Variants in TMEM135 observed in about 807,000 individuals in gnomAD.
TMEM135 encodes transmembrane protein 135, also known as peroxisomal membrane protein 52.
In TMEM135, 30 loss-of-function variants were observed where a neutral mutation model predicts 60.3. That is an observed-to-expected ratio of 0.50 (90% CI 0.37 to 0.68). TMEM135 has a LOEUF of 0.68. Among genes scored for constraint, TMEM135 ranks in the 30% least tolerant of loss-of-function variants. The pLI is 0.00. For missense variants in TMEM135, 468 were observed against 548.8 expected (o/e 0.85, Z 1.47); for synonymous variants, 190 against 186.7 (o/e 1.02, Z -0.14).
chr11:87,297,086 AAGAG>A (rs1403704210), intron 7 of TMEM135, among the ~76,000 whole-genome samples: 1 of 152,160 alleles, frequency 6.6e-6, no homozygotes, highest in African/African-American at 2.4e-5. Context: ...GACACTGAAA[AAGAG>A]AGAACCAGAA....
At chr11:87,281,421 C>T (rs1216003505) in intron 6 of TMEM135, among the ~76,000 whole-genome samples, 4 of 152,096 alleles carry the variant, frequency 2.6e-5, no homozygotes. Context: ...GTGTAAAATA[C>T]TAATTGATGT....
In TMEM135 at chr11:87,319,242, T is replaced by C. The variant is rs150191935; in HGVS notation, c.1177-68T>C. The C allele has an allele frequency of 2.9e-4, 363 of 1,248,232 alleles. 2 individuals are homozygous for C. In the African/African-American group the frequency reaches 4.3e-3, roughly 15 times the overall value. The allele number at this position is 1,248,232 out of a possible 1,614,324, so 77.3% of individuals were successfully genotyped here. A position where few individuals can be genotyped will look rare whatever the true frequency, so the allele number is the denominator to read the frequency against. ...TTACCAACTTAAACATCAATACACCTTTGTGTATTTCATCACTTTCAGTTT... is the reference window on the plus strand; with the variant it reads ...TTACCAACTTAAACATCAATACACCCTTGTGTATTTCATCACTTTCAGTTT... On this transcript the variant is annotated intron_variant, in intron 13 of 14. Coordinates refer to ENST00000305494, the MANE Select transcript of TMEM135 (RefSeq NM_022918.4).
intron 6 of TMEM135, among the ~76,000 whole-genome samples, chr11:87,262,489 T>C (rs1459357245): frequency 6.6e-6 from 1 of 152,248 alleles, no homozygotes; most frequent in Non-Finnish European, 1.5e-5. Context: ...CACCTTTTCA[T>C]TGGTTTATTA....
At chr11:87,312,300 T>C (rs1277863662) in intron 10 of TMEM135, among the ~76,000 whole-genome samples, 2 of 151,866 alleles carry the variant, frequency 1.3e-5, no homozygotes, top group South Asian at 2.1e-4. Context: ...TTTTATAATA[T>C]ACATTTTTAA....
intron 6 of TMEM135, among the ~76,000 whole-genome samples, chr11:87,291,515 A>ATTTTTTTTT (rs869273724): frequency 1.8e-4 from 9 of 50,570 alleles, no homozygotes; most frequent in East Asian, 1.5e-3. Flanking sequence ...CAGCCAAGTG[A>ATTTTTTTTT]TTTTTTTTTT....
intron 6 of TMEM135, among the ~76,000 whole-genome samples, chr11:87,265,055 A>G (rs924638191): frequency 6.6e-6 from 1 of 151,938 alleles, no homozygotes; most frequent in African/African-American, 2.4e-5. Flanking sequence ...AGAAATTGGA[A>G]TGTTACTCAC....
chr11:87,129,675 G>C (rs1937858899), intron 4 of TMEM135, among the ~76,000 whole-genome samples: 1 of 151,398 alleles, frequency 6.6e-6, no homozygotes, highest in African/African-American at 2.4e-5. Context: ...TGAGTAGCTG[G>C]AGTTATAGGC....
At position 87,098,934 on chromosome 11, in the gene TMEM135, C is replaced by T. The variant is rs11821906; in HGVS notation, c.396+7539C>T. 4.3e-3 allele frequency among the ~76,000 whole-genome samples: 647 copies of T among 152,176 alleles called. 5 individuals carry two copies. Among genetic ancestry groups the T allele is most frequent in the African/African-American group, 0.012 (518 of 41,506 alleles). On this transcript the variant is annotated intron_variant, in intron 4 of 14. Transcript: ENST00000305494. Reference sequence around the variant, plus strand: ...CGATCTCCTGACCTCGTGATCCGCCCGCCTCGGCCTCCCAAAGTGCTTGGA... The same window carrying T: ...CGATCTCCTGACCTCGTGATCCGCCTGCCTCGGCCTCCCAAAGTGCTTGGA...
intron 3 of TMEM135, among the ~76,000 whole-genome samples, chr11:87,088,114 C>T (rs61904178): frequency 0.047 from 7,154 of 152,128 alleles, 247 homozygotes; most frequent in South Asian, 0.097. Flanking sequence ...AAATTCCTCT[C>T]TTCTTGAGGT....
At chr11:87,168,397 A>G (rs1417043659) in intron 5 of TMEM135, among the ~76,000 whole-genome samples, 1 of 152,006 alleles carries the variant, frequency 6.6e-6, no homozygotes, top group Non-Finnish European at 1.5e-5. Context: ...TTGTGATATT[A>G]GGGTGTTGAT....
chr11:87,320,636 A>G (rs1026979568), intron 14 of TMEM135, among the ~76,000 whole-genome samples: 16 of 152,200 alleles, frequency 1.1e-4, no homozygotes, highest in Admixed American at 3.9e-4. Context: ...ATCTTAGGTT[A>G]GGTAATGGAT....
chr11:87,044,776 G>T (rs1035801833), intron 1 of TMEM135, among the ~76,000 whole-genome samples: 2 of 151,794 alleles, frequency 1.3e-5, no homozygotes, highest in Non-Finnish European at 2.9e-5. Context: ...TCAGCCTGCC[G>T]AGTAGCTGGG....
chr11:87,328,661 A>T lies in TMEM135; in HGVS notation c.*7328A>T, dbSNP rs1329867661. 6.6e-6 allele frequency: 3 copies of T among 453,988 alleles called. No individual in the cohort carries two copies. Among genetic ancestry groups the T allele is most frequent in the African/African-American group, 6.0e-5 (3 of 49,998 alleles). The allele number at this position is 453,988 out of a possible 1,614,324, so 28.1% of individuals were successfully genotyped here. ...CCTCCAGCTCCATCCAAGATGCTGC[A>T]AAAGACATTATTTCATCTTTTATTT... On this transcript the variant is annotated 3_prime_UTR_variant, in exon 15 of 15. Transcript: ENST00000305494.
intron 3 of TMEM135, among the ~76,000 whole-genome samples, chr11:87,076,422 C>T (rs1856874216): frequency 6.6e-6 from 1 of 152,174 alleles, no homozygotes; most frequent in Non-Finnish European, 1.5e-5. Flanking sequence ...TGGGACTCAC[C>T]CTTCAGGGCA....
chr11:87,189,758 G>GAAAAAAA (rs796303818), intron 5 of TMEM135, among the ~76,000 whole-genome samples: 2 of 115,560 alleles, frequency 1.7e-5, no homozygotes, highest in East Asian at 2.5e-4. Context: ...CGTCTCCACA[G>GAAAAAAA]AAAAAAAAAA....
At chr11:87,075,159 A>C (rs1465521826) in intron 3 of TMEM135, among the ~76,000 whole-genome samples, 2 of 151,518 alleles carry the variant, frequency 1.3e-5, no homozygotes, top group African/African-American at 4.9e-5. Context: ...TTTTTAATTT[A>C]ATTAGTTTAT....
intron 5 of TMEM135, among the ~76,000 whole-genome samples, chr11:87,208,542 C>T (rs1045592785): frequency 6.6e-6 from 1 of 152,120 alleles, no homozygotes; most frequent in Non-Finnish European, 1.5e-5. Flanking sequence ...AACAACACCT[C>T]TAAGAAATAT....
Position 87,323,953 on chromosome 11 carries a change from C to T in TMEM135, c.*2620C>T, listed in dbSNP as rs539955852. On this transcript the variant is annotated 3_prime_UTR_variant, in exon 15 of 15. Coordinates refer to ENST00000305494, the MANE Select transcript of TMEM135 (RefSeq NM_022918.4). ...AGTTGATATCTAGTTTATTTTTTGC[C>T]TTCATTCGTTGTTTAGTCAGTTGTT... The T allele has an allele frequency of 8.8e-6, 4 of 453,250 alleles. No individual in the cohort carries two copies. The highest frequency in any genetic ancestry group is 4.0e-5 in the African/African-American group (2 of 49,954). 28.1% of individuals were successfully genotyped at this position (453,250 alleles called of 1,614,324 possible).
intron 6 of TMEM135, among the ~76,000 whole-genome samples, chr11:87,287,675 C>T (rs1013571102): frequency 2.6e-5 from 4 of 152,128 alleles, no homozygotes; most frequent in Admixed American, 6.5e-5. Flanking sequence ...GACTGCGTCT[C>T]ATAAATTAAT....
Sources: gnomAD v4.1 joint callset for allele counts (sites outside exome capture counted in the v4.1 genomes callset) on GRCh38, gnomAD v4.1.1 for gene constraint, MANE v1.5 for transcripts, NCBI Gene and HGNC (gene_info 2026-07-23, HGNC 2026-07-21) for gene names.